Variants in FHIT observed in about 807,000 individuals in gnomAD.
FHIT encodes the protein fragile histidine triad diadenosine triphosphatase, also known as bis(5'-adenosyl)-triphosphatase.
Under a neutral mutation model 17.9 loss-of-function variants are expected in FHIT, and 19 were observed. The ratio of observed to expected loss-of-function variants is 1.06; its 90% CI spans 0.74 to 1.56. FHIT has a LOEUF of 1.56. Ranked by LOEUF, FHIT falls within the 40% of genes most tolerant of loss-of-function variation. FHIT has a pLI of 0.00. For missense variants in FHIT, 248 were observed against 189.2 expected (o/e 1.31, Z -1.82); for synonymous variants, 81 against 69.7 (o/e 1.16, Z -0.81).
At chr3:60,804,043 A>G (rs1553733205) in intron 4 of FHIT, among the ~76,000 whole-genome samples, 1 of 152,192 alleles carries the variant, frequency 6.6e-6, no homozygotes, top group Non-Finnish European at 1.5e-5. Context: ...AACAAGCTCC[A>G]TTTTGAGGCA....
intron 5 of FHIT, among the ~76,000 whole-genome samples, chr3:60,130,075 T>C (rs1043627185): frequency 1.4e-4 from 22 of 152,118 alleles, no homozygotes; most frequent in African/African-American, 5.3e-4. Flanking sequence ...TCTTCTACCT[T>C]TGTTAGAAGT....
chr3:60,363,620 G>A (rs1699991608), intron 5 of FHIT, among the ~76,000 whole-genome samples: 1 of 152,000 alleles, frequency 6.6e-6, no homozygotes, highest in Non-Finnish European at 1.5e-5. Context: ...TAGAACTTGA[G>A]CCCACTGAAT....
Position 59,922,345 on chromosome 3 carries a change from C to T in FHIT, c.348+1G>A, listed in dbSNP as rs1216056500. 3.1e-6 allele frequency: 5 copies of T among 1,612,846 alleles called. No individual in the cohort carries two copies. The South Asian group carries it at 3.3e-5, about 11-fold the overall frequency. ...AATAAGATCAGAGAGAACAGACCCA[C>T]CTCCTCATAGATGCTGTCATTCCTG... On this transcript the variant is annotated splice_donor_variant, in intron 8 of 9. Transcript: ENST00000492590. LOFTEE classifies it high-confidence loss of function.
At chr3:60,335,032 G>A (rs1004934888) in intron 5 of FHIT, among the ~76,000 whole-genome samples, 4 of 152,128 alleles carry the variant, frequency 2.6e-5, no homozygotes, top group African/African-American at 9.7e-5. Context: ...ACAAAATTAT[G>A]TAATAGTGAA....
intron 2 of FHIT, among the ~76,000 whole-genome samples, chr3:61,066,335 C>T (rs568244768): frequency 7.2e-4 from 110 of 152,196 alleles, no homozygotes; most frequent in African/African-American, 2.6e-3. Context: ...CCAAAAAGGC[C>T]GGGCATGGTG....
chr3:60,807,740 G>T (rs1701446485), intron 4 of FHIT, among the ~76,000 whole-genome samples: 1 of 152,024 alleles, frequency 6.6e-6, no homozygotes, highest in South Asian at 2.1e-4. Flanking sequence ...TGGTAAAGAA[G>T]TACAGCCATG....
chr3:59,769,512 G>T (rs1008071925), intron 8 of FHIT, among the ~76,000 whole-genome samples: 2 of 152,164 alleles, frequency 1.3e-5, no homozygotes, highest in Admixed American at 1.3e-4. Context: ...GTGTCGAATG[G>T]AGTTGCCTTT....
At chr3:60,283,944 G>A (rs12492065) in intron 5 of FHIT, among the ~76,000 whole-genome samples, 38,838 of 151,870 alleles carry the variant, frequency 0.26, 5,717 homozygotes, top group East Asian at 0.7. Context: ...TCAGGAGCCA[G>A]TTCATTAAAC....
At chr3:60,367,306 C>T (rs1225606864) in intron 5 of FHIT, among the ~76,000 whole-genome samples, 1 of 152,156 alleles carries the variant, frequency 6.6e-6, no homozygotes, top group Non-Finnish European at 1.5e-5. Context: ...GGAGCCAAGG[C>T]CCTGGGACCA....
chr3:61,148,564 ATTG>A (rs1488409710), intron 2 of FHIT, among the ~76,000 whole-genome samples: 2 of 152,138 alleles, frequency 1.3e-5, no homozygotes, highest in Non-Finnish European at 2.9e-5. Flanking sequence ...GTACCACCTC[ATTG>A]TATGACTATG....
intron 2 of FHIT, among the ~76,000 whole-genome samples, chr3:61,090,230 G>A (rs979922606): frequency 6.6e-6 from 1 of 152,156 alleles, no homozygotes; most frequent in African/African-American, 2.4e-5. Context: ...GTTTTAGGGG[G>A]GAAATTGTAC....
chr3:60,238,143 CAAA>C (rs5849346), intron 5 of FHIT, among the ~76,000 whole-genome samples: 2 of 111,814 alleles, frequency 1.8e-5, no homozygotes, highest in African/African-American at 3.6e-5. Context: ...GACTCCGTCT[CAAA>C]AAAAAAAAAA....
chr3:60,831,652 G>C (rs543022418), intron 3 of FHIT, among the ~76,000 whole-genome samples: 1 of 150,252 alleles, frequency 6.7e-6, no homozygotes, highest in South Asian at 2.1e-4. Flanking sequence ...GGAACACTTA[G>C]TATGCCAATA....
chr3:59,814,017 C>A (rs1380753962), intron 8 of FHIT, among the ~76,000 whole-genome samples: 1 of 147,846 alleles, frequency 6.8e-6, no homozygotes, highest in Non-Finnish European at 1.5e-5. Context: ...ATTCATCCGA[C>A]TGCCCTCTAT....
At chr3:60,690,296 T>TGGCCTCCAC in intron 4 of FHIT, 1 of 557,880 alleles carries the variant, frequency 1.8e-6, no homozygotes, top group South Asian at 1.4e-5. Flanking sequence ...AAGCGCTCCA[T>TGGCCTCCAC]GGCCTCCACA....
chr3:60,648,260 G>C (rs1553687324), intron 4 of FHIT, among the ~76,000 whole-genome samples: 2 of 151,898 alleles, frequency 1.3e-5, no homozygotes, highest in African/African-American at 4.8e-5. Flanking sequence ...CTGCGCTTTT[G>C]TTATTTATAA....
intron 5 of FHIT, among the ~76,000 whole-genome samples, chr3:60,225,538 A>T (rs1330325239): frequency 6.6e-6 from 1 of 152,170 alleles, no homozygotes; most frequent in Non-Finnish European, 1.5e-5. Flanking sequence ...AGGAAGAGGG[A>T]AAAGACAGGG....
intron 4 of FHIT, among the ~76,000 whole-genome samples, chr3:60,713,802 A>C (rs2041606895): frequency 6.6e-6 from 1 of 151,920 alleles, no homozygotes; most frequent in South Asian, 2.1e-4. Context: ...TAGCTTACCA[A>C]CCAAAAAGAG....
At chr3:59,834,010 C>T (rs1701254710) in intron 8 of FHIT, among the ~76,000 whole-genome samples, 1 of 152,194 alleles carries the variant, frequency 6.6e-6, no homozygotes, top group South Asian at 2.1e-4. Context: ...AACCTCTTTA[C>T]TTATAAACTA....
Sources: gnomAD v4.1 joint callset for allele counts (sites outside exome capture counted in the v4.1 genomes callset) on GRCh38, gnomAD v4.1.1 for gene constraint, MANE v1.5 for transcripts, NCBI Gene and HGNC (gene_info 2026-07-23, HGNC 2026-07-21) for gene names.